Variants in ASAP1 observed in about 807,000 individuals in gnomAD.
ASAP1 encodes the protein arf-GAP with SH3 domain, ANK repeat and PH domain-containing protein 1.
In ASAP1, 43 loss-of-function variants were observed where a neutral mutation model predicts 145.2. The ratio of observed to expected loss-of-function variants is 0.30; its 90% CI spans 0.23 to 0.38. ASAP1 has a LOEUF of 0.38. ASAP1 is among the 10% of genes least tolerant of loss of function. The pLI is 1.00. For synonymous variants in ASAP1, 546 were observed against 515.5 expected (o/e 1.06, Z -0.80); for missense variants, 1,018 against 1,355.3 (o/e 0.75, Z 3.91).
At chr8:130,291,122 T>C (rs1821920080) in intron 3 of ASAP1, among the ~76,000 whole-genome samples, 1 of 152,140 alleles carries the variant, frequency 6.6e-6, no homozygotes, top group Non-Finnish European at 1.5e-5. Context: ...CTTGTATATA[T>C]TCACATACCC....
At position 130,214,580 on chromosome 8, in the gene ASAP1, T is replaced by C. The variant is rs923144927; in HGVS notation, c.381A>G (p.Glu127=). 1.9e-6 allele frequency: 3 copies of C among 1,609,718 alleles called. No individual in the cohort carries two copies. Among genetic ancestry groups the C allele is most frequent in the African/African-American group, 2.7e-5 (2 of 74,572 alleles). Residue 127 remains glutamate, a synonymous_variant, in exon 5 of 30, where the codon GAA becomes GAG. Coordinates refer to ENST00000518721, the MANE Select transcript of ASAP1 (RefSeq NM_018482.4). ...AFVKFSTLTK[E]LSTLLKNLLQ... Reference sequence around the variant, plus strand: ...CCAGATTTTTCAGCAGTGTGGACAGTTCCTTTGTAAGAGTAGAAAACTTGA... The same window carrying C: ...CCAGATTTTTCAGCAGTGTGGACAGCTCCTTTGTAAGAGTAGAAAACTTGA...
intron 2 of ASAP1, among the ~76,000 whole-genome samples, chr8:130,381,501 G>A (rs1827768404): frequency 6.6e-6 from 1 of 152,118 alleles, no homozygotes; most frequent in South Asian, 2.1e-4. Context: ...TAAGTTCTTA[G>A]TAGCTACTTG....
chr8:130,283,583 GAAAGAAAAAAAAAAAAA>G (rs1821394586), intron 3 of ASAP1, among the ~76,000 whole-genome samples: 13 of 98,754 alleles, frequency 1.3e-4, no homozygotes, highest in Middle Eastern at 5.9e-3. Flanking sequence ...CTCCATCACA[GAAAGAAAAAAAAAAAAA>G]AAAAAAAAAA....
chr8:130,313,913 TC>T (rs2137572532), intron 3 of ASAP1, among the ~76,000 whole-genome samples: 1 of 152,254 alleles, frequency 6.6e-6, no homozygotes, highest in African/African-American at 2.4e-5. Flanking sequence ...TCTTCTCCTC[TC>T]CCCACTTCAG....
intron 3 of ASAP1, among the ~76,000 whole-genome samples, chr8:130,299,174 A>G (rs2137395938): frequency 6.6e-6 from 1 of 152,282 alleles, no homozygotes; most frequent in Non-Finnish European, 1.5e-5. Context: ...ATGAGTACAC[A>G]AGCGGATAAC....
chr8:130,418,069 C>G lies in ASAP1; in HGVS notation c.-27-16099G>C, dbSNP rs150642404. ...AGGGGAGGAGAACTTGCCCCAAGGC[C>G]ACAAGGACAGAAGAGAGAGGAGAGG... On this transcript the variant is annotated intron_variant, in intron 1 of 29. Coordinates refer to ENST00000518721, the MANE Select transcript of ASAP1 (RefSeq NM_018482.4). Among the ~76,000 whole-genome samples, 9 of 152,230 alleles carry G rather than the reference C, an allele frequency of 5.9e-5. No homozygotes were observed. The East Asian group carries it at 1.7e-3, about 29-fold the overall frequency.
At chr8:130,233,229 G>T (rs1037366385) in intron 4 of ASAP1, among the ~76,000 whole-genome samples, 1 of 152,090 alleles carries the variant, frequency 6.6e-6, no homozygotes, top group Non-Finnish European at 1.5e-5. Flanking sequence ...ACAATGCTGG[G>T]ATTTTCCATT....
intron 1 of ASAP1, among the ~76,000 whole-genome samples, chr8:130,408,185 T>C (rs1020171772): frequency 2.6e-5 from 4 of 152,188 alleles, no homozygotes; most frequent in Admixed American, 2.6e-4. Context: ...CCCTTATTGT[T>C]GTTTTATGTG....
At chr8:130,186,712 T>C (rs553436031) in intron 7 of ASAP1, among the ~76,000 whole-genome samples, 3 of 152,254 alleles carry the variant, frequency 2.0e-5, no homozygotes, top group Non-Finnish European at 4.4e-5. Flanking sequence ...CTTTCTAGCC[T>C]TTCATGAGCC....
chr8:130,105,968 C>T (rs2097536272), intron 24 of ASAP1, among the ~76,000 whole-genome samples: 1 of 152,208 alleles, frequency 6.6e-6, no homozygotes, highest in Non-Finnish European at 1.5e-5. Flanking sequence ...ACAATTAACT[C>T]ATCCACCCCT....
rs2097685908 is a variant in ASAP1, at chr8:130,169,057, C to T, written c.757G>A (p.Asp253Asn). The T allele has an allele frequency of 1.3e-6, 2 of 1,560,176 alleles. No homozygotes were observed. The highest frequency in any genetic ancestry group is 1.4e-5 in the African/African-American group (1 of 72,208). The change falls in exon 10 of 30, where the codon GAT becomes AAT. Residue 253 changes from aspartate (D) to asparagine (N), a missense_variant. Asp to Asn is a conservative substitution (Grantham distance 23, BLOSUM62 1). Around this residue, in one of 9 missense-constraint regions of ASAP1, gnomAD observed 62 missense variants for 68.5 expected, o/e 0.90. Coordinates refer to ENST00000518721, the MANE Select transcript of ASAP1 (RefSeq NM_018482.4). ...YYHAQCNFFQ[D>N]GLKTADKLKQ... is the part of the protein sequence containing the mutation. ...AACTTATCAGCTGTTTTCAAGCCATCTTGAAAGAAACTACAATTAAAAAAA... is the reference window on the plus strand; with the variant it reads ...AACTTATCAGCTGTTTTCAAGCCATTTTGAAAGAAACTACAATTAAAAAAA...
intron 25 of ASAP1, among the ~76,000 whole-genome samples, chr8:130,085,233 T>C (rs1242948074): frequency 6.6e-6 from 1 of 152,292 alleles, no homozygotes; most frequent in East Asian, 1.9e-4. Flanking sequence ...GTTGTATTTC[T>C]CTCTTTGCTC....
chr8:130,230,186 C>T (rs529887432), intron 4 of ASAP1, among the ~76,000 whole-genome samples: 19 of 152,066 alleles, frequency 1.2e-4, no homozygotes, highest in Non-Finnish European at 2.5e-4. Context: ...TGTACATTCC[C>T]CAAAGATAGA....
intron 3 of ASAP1, among the ~76,000 whole-genome samples, chr8:130,333,126 A>G (rs1372595350): frequency 1.3e-5 from 2 of 152,180 alleles, no homozygotes; most frequent in Admixed American, 1.3e-4. Context: ...AATTACAATT[A>G]TATATCTACT....
intron 7 of ASAP1, among the ~76,000 whole-genome samples, chr8:130,183,395 C>A (rs183959256): frequency 6.6e-6 from 1 of 152,180 alleles, no homozygotes; most frequent in African/African-American, 2.4e-5. Flanking sequence ...GGCTGGAGTG[C>A]AGTGGTCCGA....
intron 11 of ASAP1, among the ~76,000 whole-genome samples, chr8:130,160,440 A>C (rs2097666751): frequency 6.6e-6 from 1 of 152,228 alleles, no homozygotes; most frequent in Admixed American, 6.5e-5. Flanking sequence ...CCTTCTAAGC[A>C]AGGTTTTAAC....
At chr8:130,337,166 T>C (rs1825088140) in intron 3 of ASAP1, among the ~76,000 whole-genome samples, 1 of 152,126 alleles carries the variant, frequency 6.6e-6, no homozygotes, top group Non-Finnish European at 1.5e-5. Flanking sequence ...GGTAAAAGGG[T>C]GAGATTAATT....
intron 13 of ASAP1, among the ~76,000 whole-genome samples, chr8:130,148,416 T>C (rs1288215471): frequency 6.6e-6 from 1 of 152,170 alleles, no homozygotes; most frequent in Non-Finnish European, 1.5e-5. Context: ...TACTGAAAAT[T>C]CAAAGATGAG....
chr8:130,252,152 T>C (rs771692319), intron 3 of ASAP1, among the ~76,000 whole-genome samples: 1 of 152,324 alleles, frequency 6.6e-6, no homozygotes, highest in East Asian at 1.9e-4. Context: ...AAGGACTCTA[T>C]GGTTACTAAA....
Sources: allele counts gnomAD v4.1 joint callset (sites outside exome capture counted in the v4.1 genomes callset), GRCh38; gene constraint gnomAD v4.1.1; regional missense constraint gnomAD v4.1.1; transcripts MANE v1.5; gene names NCBI Gene and HGNC (gene_info 2026-07-23, HGNC 2026-07-21).